Variants in ZRANB3 observed in about 807,000 individuals in gnomAD.
ZRANB3 encodes zinc finger RANBP2-type containing 3.
Under a neutral mutation model 133.8 loss-of-function variants are expected in ZRANB3, and 125 were observed. That is an observed-to-expected ratio of 0.93 (90% confidence interval 0.81 to 1.08). The LOEUF (loss-of-function observed/expected upper bound fraction) is 1.08, where lower values mean the gene tolerates loss of function less well. Among genes scored for constraint, ZRANB3 ranks in the 50% least tolerant of loss-of-function variants. The pLI is 0.00. For synonymous variants in ZRANB3, 387 were observed against 432.7 expected (o/e 0.89, Z 1.31); for missense variants, 1,229 against 1,275.5 (o/e 0.96, Z 0.56).
At chr2:135,324,256 G>T (rs556032495) in intron 6 of ZRANB3, among the ~76,000 whole-genome samples, 1 of 137,442 alleles carries the variant, frequency 7.3e-6, no homozygotes, top group Admixed American at 7.7e-5. Context: ...AACAGGCCCC[G>T]GTGTGTGATG....
intron 3 of ZRANB3, among the ~76,000 whole-genome samples, chr2:135,379,406 C>A (rs1022897055): frequency 6.6e-6 from 1 of 152,134 alleles, no homozygotes; most frequent in African/African-American, 2.4e-5. Context: ...AATAGAAAGT[C>A]TGGTACCTGG....
intron 8 of ZRANB3, among the ~76,000 whole-genome samples, chr2:135,296,869 G>C (rs569797863): frequency 2.0e-5 from 3 of 152,314 alleles, no homozygotes; most frequent in South Asian, 2.1e-4. Context: ...CTGGGTATCA[G>C]CAGCGGTGGC....
chr2:135,338,117 T>C (rs1370316228), intron 6 of ZRANB3, among the ~76,000 whole-genome samples: 2 of 152,198 alleles, frequency 1.3e-5, no homozygotes, highest in Admixed American at 6.5e-5. Context: ...TTTGACAACA[T>C]CTGTGAATTT....
At chr2:135,457,971 A>G (rs936116103) in intron 2 of ZRANB3, among the ~76,000 whole-genome samples, 15 of 152,222 alleles carry the variant, frequency 9.9e-5, no homozygotes, top group Admixed American at 8.5e-4. Flanking sequence ...TGTCATATCT[A>G]TGAAGCCACT....
At chr2:135,331,116 T>C (rs1461562484) in intron 6 of ZRANB3, among the ~76,000 whole-genome samples, 1 of 152,216 alleles carries the variant, frequency 6.6e-6, no homozygotes, top group East Asian at 1.9e-4. Context: ...TTTGAATGTG[T>C]TTGCTCTTGC....
At chr2:135,507,862 G>A (rs1007507385) in intron 1 of ZRANB3, among the ~76,000 whole-genome samples, 1 of 151,976 alleles carries the variant, frequency 6.6e-6, no homozygotes, top group African/African-American at 2.4e-5. Context: ...GGCTTCAGAG[G>A]ACTGCTTGAG....
In ZRANB3 at chr2:135,265,539, T is replaced by C. The variant is rs749093116; in HGVS notation, c.1534A>G (p.Thr512Ala). 3 of 1,611,766 alleles carry C rather than the reference T, an allele frequency of 1.9e-6. No homozygotes were observed. The highest frequency in any genetic ancestry group is 2.5e-6 in the Non-Finnish European group (3 of 1,179,066). The change falls in exon 12 of 21, where the codon ACT becomes GCT. Residue 512 changes from threonine to alanine, a missense_variant. By Grantham distance (58) the Thr-to-Ala change is moderately conservative. Transcript: ENST00000264159. ...AGTAAGGCATATAATCTTACGTGAG[T>C]GAACAAAGCTTCCTTCCTTAACTCT... is the stretch of plus-strand genomic sequence containing the variant. The part of the protein sequence containing the change: ...SEELRKEALF[T>A]HFEKEKQHDI...
Position 135,197,986 on chromosome 2 carries a change from T to C in ZRANB3, c.*2356A>G, listed in dbSNP as rs1416149539. 6.6e-6 allele frequency: 1 copy of C among 152,362 alleles called. No individual in the cohort carries two copies. The highest frequency in any genetic ancestry group is 2.4e-5 in the African/African-American group (1 of 41,452). The allele number at this position is 152,362 out of a possible 1,614,324, so 9.4% of individuals were successfully genotyped here. ...GAGCCCTTTTTTGTTGTTGTTTTCTTAGCCTAAACTGTATCTTGCAGCTTC... is the reference window on the plus strand; with the variant it reads ...GAGCCCTTTTTTGTTGTTGTTTTCTCAGCCTAAACTGTATCTTGCAGCTTC... On this transcript the variant is annotated 3_prime_UTR_variant, in exon 21 of 21. Coordinates refer to ENST00000264159, the MANE Select transcript of ZRANB3 (RefSeq NM_032143.4).
intron 4 of ZRANB3, among the ~76,000 whole-genome samples, chr2:135,351,608 T>C (rs1685212238): frequency 6.6e-6 from 1 of 152,194 alleles, no homozygotes; most frequent in African/African-American, 2.4e-5. Flanking sequence ...ATAGGTTATT[T>C]AATATTACTA....
At chr2:135,309,599 C>A (rs1682874410) in intron 8 of ZRANB3, among the ~76,000 whole-genome samples, 1 of 151,914 alleles carries the variant, frequency 6.6e-6, no homozygotes, top group African/African-American at 2.4e-5. Flanking sequence ...GCAAGGGAAA[C>A]CTGGAAATTT....
chr2:135,257,180 T>G (rs913414514), intron 12 of ZRANB3, among the ~76,000 whole-genome samples: 2 of 152,208 alleles, frequency 1.3e-5, no homozygotes, highest in Non-Finnish European at 2.9e-5. Context: ...GAGTAGCCAT[T>G]CTTTAGTTTC....
intron 2 of ZRANB3, among the ~76,000 whole-genome samples, chr2:135,405,818 G>T (rs995181506): frequency 6.6e-6 from 1 of 152,178 alleles, no homozygotes; most frequent in Non-Finnish European, 1.5e-5. Context: ...CACATTCAAA[G>T]CAGTGTGTAG....
intron 8 of ZRANB3, among the ~76,000 whole-genome samples, chr2:135,312,481 T>C (rs144359880): frequency 2.4e-3 from 363 of 152,264 alleles, no homozygotes; most frequent in Non-Finnish European, 3.9e-3. Context: ...CTCGTCAGTA[T>C]TTACAGGTTC....
intron 2 of ZRANB3, among the ~76,000 whole-genome samples, chr2:135,479,081 A>G (rs999432754): frequency 6.6e-6 from 1 of 151,208 alleles, no homozygotes; most frequent in African/African-American, 2.4e-5. Flanking sequence ...GACAGTTAAC[A>G]CTGTTTCACA....
intron 2 of ZRANB3, among the ~76,000 whole-genome samples, chr2:135,401,724 A>G (rs566085829): frequency 6.6e-6 from 1 of 152,316 alleles, no homozygotes; most frequent in East Asian, 1.9e-4. Context: ...TTTGTGATCT[A>G]CTAGGCAGAA....
chr2:135,421,889 CCTTTTTTTTTTTTTTTG>C (rs1688864161), intron 2 of ZRANB3, among the ~76,000 whole-genome samples: 1 of 142,702 alleles, frequency 7.0e-6, no homozygotes, highest in Admixed American at 6.9e-5. Context: ...TTTTTTTTTT[CCTTTTTTTTTTTTTTTG>C]CTTTCTAAAA....
chr2:135,375,684 C>CA (rs61475008), intron 3 of ZRANB3, among the ~76,000 whole-genome samples: 6,372 of 132,796 alleles, frequency 0.048, 446 homozygotes, highest in African/African-American at 0.16. Context: ...GACTCCATCT[C>CA]AAAAAAAAAA....
At chr2:135,514,794 A>G (rs776638076) in intron 1 of ZRANB3, among the ~76,000 whole-genome samples, 4 of 152,140 alleles carry the variant, frequency 2.6e-5, no homozygotes, top group Non-Finnish European at 4.4e-5. Flanking sequence ...AGCTCTTATC[A>G]CTTTTAGATA....
intron 2 of ZRANB3, among the ~76,000 whole-genome samples, chr2:135,455,651 G>A (rs1157477079): frequency 6.7e-6 from 1 of 148,284 alleles, no homozygotes; most frequent in Non-Finnish European, 1.5e-5. Context: ...GAGTGCAGTG[G>A]CGCGATCTCG....
Sources: gnomAD v4.1 joint callset for allele counts (sites outside exome capture counted in the v4.1 genomes callset) on GRCh38, gnomAD v4.1.1 for gene constraint, MANE v1.5 for transcripts, NCBI Gene and HGNC (gene_info 2026-07-23, HGNC 2026-07-21) for gene names.